The following RIMS2 variants were observed in gnomAD, a reference collection of about 807,000 sequenced individuals.
The protein encoded by RIMS2 is regulating synaptic membrane exocytosis protein 2.
RIMS2 carries 59 observed loss-of-function variants against 174.4 expected under a neutral mutation model. The observed-to-expected ratio is 0.34, with a 90% confidence interval of 0.27 to 0.42. RIMS2 has a LOEUF of 0.42. Ranked by LOEUF, RIMS2 falls within the 10% of genes least tolerant of loss-of-function variation. RIMS2 has a pLI of 1.00. For missense variants in RIMS2, 1,620 were observed against 1,666.3 expected (o/e 0.97, Z 0.48); for synonymous variants, 606 against 572.5 (o/e 1.06, Z -0.84).
intron 19 of RIMS2, among the ~76,000 whole-genome samples, chr8:104,042,719 G>T (rs1431476387): frequency 6.6e-6 from 1 of 151,614 alleles, no homozygotes; most frequent in African/African-American, 2.4e-5. Context: ...TTTTAGGATA[G>T]GTAAAATTTA....
chr8:103,598,474 GTAA>G (rs571055075), intron 1 of RIMS2, among the ~76,000 whole-genome samples: 167 of 152,206 alleles, frequency 1.1e-3, no homozygotes, highest in Admixed American at 2.3e-3. Context: ...ATTCATTGAG[GTAA>G]TAATTTTATT....
intron 1 of RIMS2, among the ~76,000 whole-genome samples, chr8:103,570,710 A>G (rs983083224): frequency 7.9e-5 from 12 of 152,172 alleles, no homozygotes; most frequent in Non-Finnish European, 7.4e-5. Flanking sequence ...GCAAATCTTA[A>G]AGATAGCTTG....
intron 1 of RIMS2, among the ~76,000 whole-genome samples, chr8:103,551,009 T>C (rs1847578988): frequency 6.6e-6 from 1 of 152,154 alleles, no homozygotes; most frequent in Non-Finnish European, 1.5e-5. Context: ...AGCCGAATTC[T>C]ACCAGAGGTA....
At chr8:103,752,116 T>C in intron 2 of RIMS2, among the ~76,000 whole-genome samples, 1 of 152,222 alleles carries the variant, frequency 6.6e-6, no homozygotes, top group Non-Finnish European at 1.5e-5. Context: ...CCATCTTGAA[T>C]TGATTTTTGT....
At chr8:104,216,202 A>G (rs1327748975) in intron 19 of RIMS2, among the ~76,000 whole-genome samples, 1 of 152,132 alleles carries the variant, frequency 6.6e-6, no homozygotes, top group Non-Finnish European at 1.5e-5. Context: ...ATAGCTAAAT[A>G]AAGATTTACA....
At chr8:103,863,697 T>A (rs934715534) in intron 3 of RIMS2, among the ~76,000 whole-genome samples, 1 of 152,040 alleles carries the variant, frequency 6.6e-6, no homozygotes, top group African/African-American at 2.4e-5. Flanking sequence ...CAGAAATATA[T>A]CCTAGGTTTT....
At chr8:103,514,184 T>C (rs975802358) in intron 1 of RIMS2, among the ~76,000 whole-genome samples, 8 of 152,200 alleles carry the variant, frequency 5.3e-5, no homozygotes, top group African/African-American at 1.9e-4. Flanking sequence ...CATTAGAGCT[T>C]ACCTCTCTTC....
At chr8:104,020,156 CAG>C (rs1366079518) in intron 19 of RIMS2, among the ~76,000 whole-genome samples, 3 of 151,826 alleles carry the variant, frequency 2.0e-5, no homozygotes, top group Non-Finnish European at 2.9e-5. Context: ...TTCATTAATA[CAG>C]AGTGTCATGT....
intron 1 of RIMS2, among the ~76,000 whole-genome samples, chr8:103,561,760 T>C (rs925983681): frequency 5.9e-5 from 9 of 152,212 alleles, no homozygotes; most frequent in African/African-American, 2.2e-4. Context: ...GCCTTTGTTT[T>C]TATGGCCTGT....
At position 103,551,748 on chromosome 8, in the gene RIMS2, A is replaced by G. The variant is rs192931568; in HGVS notation, c.176+50686A>G. 6.2e-3 allele frequency among the ~76,000 whole-genome samples: 939 copies of G among 152,338 alleles called. 12 individuals carry two copies. The highest frequency in any genetic ancestry group is 0.021 in the African/African-American group (889 of 41,582). ...CCTTAAGCTGATAAGCAACTTCAGC[A>G]AAGTCTCAGGATACAAAAATCAATG... On this transcript the variant is annotated intron_variant, in intron 1 of 23. Coordinates refer to ENST00000504942, the Ensembl canonical transcript of RIMS2.
chr8:103,749,160 G>C (rs2097855773), intron 2 of RIMS2, among the ~76,000 whole-genome samples: 1 of 146,334 alleles, frequency 6.8e-6, no homozygotes, highest in Non-Finnish European at 1.5e-5. Context: ...TGTCCAGGCT[G>C]TAGTGCAGTG....
intron 9 of RIMS2, among the ~76,000 whole-genome samples, chr8:103,919,772 A>G (rs961196918): frequency 5.9e-5 from 9 of 152,202 alleles, no homozygotes; most frequent in African/African-American, 2.2e-4. Flanking sequence ...ACTTTACAAT[A>G]TGGTCCCATG....
chr8:103,961,624 A>G (rs2090124114), intron 15 of RIMS2, among the ~76,000 whole-genome samples: 1 of 152,152 alleles, frequency 6.6e-6, no homozygotes, highest in African/African-American at 2.4e-5. Flanking sequence ...AAAGTTAGAA[A>G]CTTATCCAAT....
At chr8:104,039,127 T>C (rs2096567166) in intron 19 of RIMS2, among the ~76,000 whole-genome samples, 1 of 151,854 alleles carries the variant, frequency 6.6e-6, no homozygotes, top group African/African-American at 2.4e-5. Context: ...TACTTGACAG[T>C]TGTAGAATGT....
At chr8:103,606,777 A>G (rs2133989487) in intron 1 of RIMS2, among the ~76,000 whole-genome samples, 1 of 151,432 alleles carries the variant, frequency 6.6e-6, no homozygotes, top group Non-Finnish European at 1.5e-5. Flanking sequence ...GTCTCTTTTG[A>G]TCTTTGTTGG....
intron 21 of RIMS2, 78 bp downstream of exon 27, chr8:104,248,891 T>TTATCTCTCTCTCTCTC: frequency 1.6e-6 from 1 of 626,516 alleles, no homozygotes. Flanking sequence ...TCATAGAATC[T>TTATCTCTCTCTCTCTC]TCTCTCTCTC....
chr8:103,968,809 T>C (rs2154547272), intron 15 of RIMS2, among the ~76,000 whole-genome samples: 1 of 152,254 alleles, frequency 6.6e-6, no homozygotes, highest in East Asian at 1.9e-4. Context: ...ATGCTCTTTC[T>C]TTCTATATGT....
In RIMS2 at chr8:103,883,348, G is replaced by A. The variant is rs1263797172; in HGVS notation, c.699-1950G>A. Among the ~76,000 whole-genome samples the A allele has an allele frequency of 2.0e-5, 3 of 151,686 alleles. No individual in the cohort carries two copies. The East Asian group carries it at 5.8e-4, about 29-fold the overall frequency. On this transcript the variant is annotated intron_variant, in intron 3 of 23. Coordinates refer to ENST00000504942, the Ensembl canonical transcript of RIMS2. ...TAAATCTAGTGTTCTCTTCATGATA[G>A]ACTACTATCATGCTAGAGTTTTTTT... is the stretch of plus-strand genomic sequence containing the variant.
At chr8:103,682,728 A>G (rs916668058) in intron 1 of RIMS2, among the ~76,000 whole-genome samples, 16 of 152,162 alleles carry the variant, frequency 1.1e-4, no homozygotes, top group Admixed American at 4.6e-4. Flanking sequence ...TTTTAAAAAA[A>G]TCTTTCTTAG....
Sources: gnomAD v4.1 joint callset for allele counts (sites outside exome capture counted in the v4.1 genomes callset) on GRCh38, gnomAD v4.1.1 for gene constraint, MANE v1.5 for transcripts, NCBI Gene and HGNC (gene_info 2026-07-23, HGNC 2026-07-21) for gene names.